Variants in TRIM2 observed in about 807,000 individuals in gnomAD.
TRIM2 encodes the protein tripartite motif-containing protein 2.
A neutral mutation model predicts 75.2 loss-of-function variants in TRIM2; 20 were observed. The ratio of observed to expected loss-of-function variants is 0.27; its 90% confidence interval spans 0.19 to 0.39. The LOEUF is 0.39. Among genes scored for constraint, TRIM2 ranks in the 10% least tolerant of loss-of-function variants. The pLI is 1.00. For missense variants in TRIM2, 660 were observed against 990.8 expected (o/e 0.67, Z 4.48); for synonymous variants, 373 against 388.3 (o/e 0.96, Z 0.46).
At chr4:153,162,398 A>G (rs1729827226) in intron 1 of TRIM2, among the ~76,000 whole-genome samples, 1 of 152,192 alleles carries the variant, frequency 6.6e-6, no homozygotes, top group South Asian at 2.1e-4. Context: ...CAAGGCCTTC[A>G]GTCAGAAAGA....
chr4:153,338,952 G>GTT lies in TRIM2; in HGVS notation c.*3986_*3987insTT, dbSNP rs1561045398. 3,281 of 962,942 alleles carry GTT rather than the reference G, an allele frequency of 3.4e-3. 73 individuals carry two copies. The African/African-American group carries it at 0.061, about 18-fold the overall frequency. The allele number at this position is 962,942 out of a possible 1,614,324, so 59.6% of individuals were successfully genotyped here. On this transcript the variant is annotated 3_prime_UTR_variant, in exon 12 of 12. Transcript: ENST00000338700. ...TCAAGCCTATGTATGAATATGAAGG[G>GTT]GTTTTTTTTTTTTGCTTTGTTTTCT...
chr4:153,214,865 A>G (rs112980707), intron 1 of TRIM2, among the ~76,000 whole-genome samples: 31 of 152,352 alleles, frequency 2.0e-4, no homozygotes, highest in Admixed American at 2.6e-4. Context: ...ACTAGAAAAC[A>G]CAATAAAATT....
At chr4:153,218,943 G>A (rs559798276) in intron 1 of TRIM2, among the ~76,000 whole-genome samples, 1 of 152,218 alleles carries the variant, frequency 6.6e-6, no homozygotes, top group Non-Finnish European at 1.5e-5. Flanking sequence ...CTATTATGGA[G>A]AGTAAAACAC....
At position 153,302,121 on chromosome 4, in the gene TRIM2, T is replaced by C. The variant is rs539391307; in HGVS notation, c.1510+6085T>C. Among the ~76,000 whole-genome samples the C allele has an allele frequency of 4.8e-4, 73 of 152,362 alleles. 2 individuals are homozygous for C. The highest frequency in any genetic ancestry group is 4.4e-3 in the Admixed American group (68 of 15,302). On this transcript the variant is annotated intron_variant, in intron 6 of 11. Coordinates refer to ENST00000338700, the MANE Select transcript of TRIM2 (RefSeq NM_015271.5). ...TATGAACATGAGCCATCTTTTTATT[T>C]ATTTATGTTGTCTTCGGTTTTTTTC... is the stretch of plus-strand genomic sequence containing the variant.
At chr4:153,197,869 G>A (rs150579420) in intron 1 of TRIM2, among the ~76,000 whole-genome samples, 1,635 of 152,100 alleles carry the variant, frequency 0.011, 12 homozygotes, top group Non-Finnish European at 0.017. Context: ...GCGAAACTCC[G>A]TCTCAAAAAA....
intron 1 of TRIM2, among the ~76,000 whole-genome samples, chr4:153,266,592 C>T (rs1019640444): frequency 3.3e-5 from 5 of 151,522 alleles, no homozygotes; most frequent in East Asian, 1.9e-4. Flanking sequence ...CTGCCCACCT[C>T]GACCTCCCAA....
intron 6 of TRIM2, among the ~76,000 whole-genome samples, chr4:153,307,382 G>A (rs1048928967): frequency 3.9e-5 from 6 of 152,270 alleles, no homozygotes; most frequent in South Asian, 4.1e-4. Flanking sequence ...CTCTAGAACA[G>A]TGTAATTTAA....
chr4:153,254,448 A>G (rs535149130), intron 1 of TRIM2, among the ~76,000 whole-genome samples: 1 of 152,344 alleles, frequency 6.6e-6, no homozygotes, highest in South Asian at 2.1e-4. Context: ...CCAAGAAGTC[A>G]ATAAGGTGTG....
intron 1 of TRIM2, 43 bp from the exon 2 acceptor site, chr4:153,270,291 AC>A: frequency 6.3e-7 from 1 of 1,579,380 alleles, no homozygotes; most frequent in Non-Finnish European, 8.6e-7. Flanking sequence ...ACTTGTACCT[AC>A]AGATCATTAT....
chr4:153,279,615 G>A (rs1051409083), intron 3 of TRIM2, among the ~76,000 whole-genome samples: 1 of 152,012 alleles, frequency 6.6e-6, no homozygotes, highest in African/African-American at 2.4e-5. Flanking sequence ...ATTCCAGCCT[G>A]GGCAACATAG....
intron 10 of TRIM2, among the ~76,000 whole-genome samples, chr4:153,326,658 A>C (rs1289964948): frequency 1.3e-5 from 2 of 152,244 alleles, no homozygotes; most frequent in African/African-American, 4.8e-5. Flanking sequence ...AGTCATTTGG[A>C]TTATGCCCAG....
At chr4:153,292,524 C>T (rs1008427024) in intron 3 of TRIM2, among the ~76,000 whole-genome samples, 4 of 152,198 alleles carry the variant, frequency 2.6e-5, no homozygotes, top group South Asian at 2.1e-4. Flanking sequence ...CTCCTGGCCT[C>T]GAGTAATCCT....
intron 7 of TRIM2, 50 bp from the exon 8 acceptor site, chr4:153,315,782 A>G (rs1241746028): frequency 1.2e-6 from 2 of 1,605,286 alleles, no homozygotes; most frequent in Admixed American, 3.3e-5. Context: ...TGCCTTCCTC[A>G]GCAATGCCTG....
chr4:153,268,670 G>A (rs185626266), intron 1 of TRIM2, among the ~76,000 whole-genome samples: 1 of 152,330 alleles, frequency 6.6e-6, no homozygotes, highest in East Asian at 1.9e-4. Context: ...TATGCCTTCG[G>A]TGTAGAAGCC....
In TRIM2 at chr4:153,338,116, A is replaced by G. The variant is rs1772664553; in HGVS notation, c.*3150A>G. ...GCAAATAAATACTCCAGATCCATGC[A>G]GCTAGAACACACTTGCTTCCACTAC... is the stretch of plus-strand genomic sequence containing the variant. On this transcript the variant is annotated 3_prime_UTR_variant, in exon 12 of 12. Coordinates refer to ENST00000338700, the MANE Select transcript of TRIM2 (RefSeq NM_015271.5). The G allele has an allele frequency of 1.0e-6, 1 of 985,782 alleles. No individual in the cohort carries two copies. The highest frequency in any genetic ancestry group is 1.2e-6 in the Non-Finnish European group (1 of 829,956). 61.1% of individuals were successfully genotyped at this position (985,782 alleles called of 1,614,324 possible). A position where few individuals can be genotyped will look rare whatever the true frequency, so the allele number is the denominator to read the frequency against.
chr4:153,199,151 C>G (rs991965554), intron 1 of TRIM2, among the ~76,000 whole-genome samples: 1 of 152,196 alleles, frequency 6.6e-6, no homozygotes, highest in African/African-American at 2.4e-5. Context: ...CTTTGTCAGA[C>G]AGTTTCAGCT....
At chr4:153,318,329 ACT>A (rs1489696272) in intron 8 of TRIM2, among the ~76,000 whole-genome samples, 2 of 152,052 alleles carry the variant, frequency 1.3e-5, no homozygotes, top group African/African-American at 4.8e-5. Context: ...TAATTGTGAA[ACT>A]CTCAGATTTG....
intron 6 of TRIM2, chr4:153,308,350 C>T: frequency 2.5e-6 from 3 of 1,222,840 alleles, no homozygotes; most frequent in Non-Finnish European, 3.6e-6. Flanking sequence ...TCCTGCAGCT[C>T]TTGGTTGGTT....
At chr4:153,207,344 A>G (rs552058251) in intron 1 of TRIM2, among the ~76,000 whole-genome samples, 3 of 152,282 alleles carry the variant, frequency 2.0e-5, no homozygotes, top group Admixed American at 1.3e-4. Flanking sequence ...CGGGTTTAAA[A>G]ACAAGGGGTT....
Sources: gnomAD v4.1 joint callset for allele counts (sites outside exome capture counted in the v4.1 genomes callset) on GRCh38, gnomAD v4.1.1 for gene constraint, MANE v1.5 for transcripts, NCBI Gene and HGNC (gene_info 2026-07-23, HGNC 2026-07-21) for gene names.